Variants in DLGAP2 observed in about 807,000 individuals in gnomAD.
DLGAP2 encodes DLG associated protein 2, also known as disks large-associated protein 2.
DLGAP2 carries 26 observed loss-of-function variants against 100.3 expected under a neutral mutation model. The ratio of observed to expected loss-of-function variants is 0.26; its 90% confidence interval spans 0.19 to 0.36. The LOEUF (loss-of-function observed/expected upper bound fraction) is 0.36, where lower values mean the gene tolerates loss of function less well. DLGAP2 is among the 10% of genes least tolerant of loss of function. The probability of loss-of-function intolerance (pLI) is 1.00; values close to 1 mark genes in which losing one functional copy is unlikely to be tolerated. For missense variants in DLGAP2, 1,858 were observed against 1,453.2 expected, an observed-to-expected ratio of 1.28 and a Z score of -4.53; for synonymous variants, 886 against 630.1, an observed-to-expected ratio of 1.41 and a Z score of -6.08.
intron 2 of DLGAP2, among the ~76,000 whole-genome samples, chr8:912,639 C>G (rs1798508677): frequency 6.6e-6 from 1 of 151,396 alleles, no homozygotes; most frequent in African/African-American, 2.4e-5. Flanking sequence ...CTCTGTGGAG[C>G]TGAGCCCCAC....
chr8:950,250 C>G (rs1799445023), intron 2 of DLGAP2, among the ~76,000 whole-genome samples: 1 of 152,164 alleles, frequency 6.6e-6, no homozygotes, highest in Non-Finnish European at 1.5e-5. Flanking sequence ...TACCAAAAAT[C>G]ATGAGGAAAT....
intron 2 of DLGAP2, among the ~76,000 whole-genome samples, chr8:1,190,526 C>T (rs78952705): frequency 3.9e-5 from 6 of 152,082 alleles, no homozygotes; most frequent in Non-Finnish European, 8.8e-5. Flanking sequence ...CCGTCCCGTT[C>T]GACGCCTCTG....
chr8:1,687,507 A>G (rs1462130687), intron 12 of DLGAP2, among the ~76,000 whole-genome samples: 1 of 152,230 alleles, frequency 6.6e-6, no homozygotes, highest in Non-Finnish European at 1.5e-5. Context: ...TAGGCATCAG[A>G]TAGGATCATT....
rs867023990 is a variant in DLGAP2 at position 1,316,534 on chromosome 8, G to A, written c.106+57651G>A. ...GTCTACACTCGAGACACTCGGCAGC[G>A]TTTAAAAATAGAGGCTGTGCGAGTG... On this transcript the variant is annotated intron_variant, in intron 3 of 14. Transcript: ENST00000637795. Among the ~76,000 whole-genome samples the A allele has an allele frequency of 3.2e-4, 27 of 83,898 alleles. 2 individuals carry two copies. The East Asian group carries it at 5.9e-3, about 18-fold the overall frequency. 55.0% of individuals were successfully genotyped at this position (83,898 alleles called of 152,430 possible).
chr8:856,437 C>A (rs532770304), intron 1 of DLGAP2, among the ~76,000 whole-genome samples: 8 of 152,090 alleles, frequency 5.3e-5, no homozygotes, highest in Non-Finnish European at 1.2e-4. Context: ...ATCTGCCCAC[C>A]TCGGCCTCCC....
chr8:861,625 A>C (rs1318905904), intron 1 of DLGAP2, among the ~76,000 whole-genome samples: 3 of 152,246 alleles, frequency 2.0e-5, no homozygotes, highest in Non-Finnish European at 4.4e-5. Context: ...TTTAATGTGA[A>C]ATCAAATATG....
At chr8:1,377,881 G>A (rs1425001865) in intron 3 of DLGAP2, 2 of 152,294 alleles carry the variant, frequency 1.3e-5, no homozygotes, top group African/African-American at 4.8e-5. Flanking sequence ...TCTCTTCTGC[G>A]AAGCTGCACC....
chr8:1,618,629 C>T (rs1304373497), intron 6 of DLGAP2, among the ~76,000 whole-genome samples: 2 of 152,190 alleles, frequency 1.3e-5, no homozygotes, highest in African/African-American at 2.4e-5. Flanking sequence ...GGAGGACTCA[C>T]GCTATCTGAT....
intron 8 of DLGAP2, among the ~76,000 whole-genome samples, chr8:1,667,512 A>G (rs1470920862): frequency 6.6e-6 from 1 of 152,184 alleles, no homozygotes; most frequent in East Asian, 1.9e-4. Flanking sequence ...TGGAGCCTGT[A>G]CTTATAGGGA....
At chr8:862,561 G>C (rs1053665596) in intron 1 of DLGAP2, among the ~76,000 whole-genome samples, 8 of 152,112 alleles carry the variant, frequency 5.3e-5, no homozygotes, top group African/African-American at 1.9e-4. Flanking sequence ...CCAAAGTGCT[G>C]GGATTATAGG....
chr8:1,076,562 C>T (rs1803618975), intron 2 of DLGAP2, among the ~76,000 whole-genome samples: 1 of 152,250 alleles, frequency 6.6e-6, no homozygotes, highest in African/African-American at 2.4e-5. Context: ...GGCCACGGCT[C>T]AGCCCCTCTC....
intron 3 of DLGAP2, among the ~76,000 whole-genome samples, chr8:1,476,302 A>G (rs931376305): frequency 6.6e-6 from 1 of 152,178 alleles, no homozygotes; most frequent in Admixed American, 6.5e-5. Flanking sequence ...TTATTTACAC[A>G]TACATCTACG....
intron 3 of DLGAP2, among the ~76,000 whole-genome samples, chr8:1,487,342 G>T (rs570558248): frequency 1.3e-5 from 2 of 152,216 alleles, no homozygotes; most frequent in African/African-American, 4.8e-5. Context: ...ACTGAAAGTG[G>T]GTATTACAGA....
intron 3 of DLGAP2, among the ~76,000 whole-genome samples, chr8:1,285,463 C>T (rs187590333): frequency 1.1e-4 from 16 of 152,184 alleles, no homozygotes; most frequent in Middle Eastern, 3.4e-3. Context: ...ATGAGTAGAG[C>T]CTGTCCTGGA....
intron 1 of DLGAP2, among the ~76,000 whole-genome samples, chr8:780,996 T>G (rs1821669902): frequency 6.6e-6 from 1 of 152,238 alleles, no homozygotes; most frequent in African/African-American, 2.4e-5. Flanking sequence ...TTTCTCTCCA[T>G]GAGGTTGTAT....
chr8:936,731 T>G (rs1799081195), intron 2 of DLGAP2, among the ~76,000 whole-genome samples: 1 of 152,138 alleles, frequency 6.6e-6, no homozygotes, highest in South Asian at 2.1e-4. Context: ...GCACTTAGGG[T>G]ACAGCATGGA....
intron 5 of DLGAP2, among the ~76,000 whole-genome samples, chr8:1,553,634 A>G (rs1445359998): frequency 2.0e-5 from 3 of 152,160 alleles, no homozygotes; most frequent in Non-Finnish European, 4.4e-5. Context: ...CCCTGCGTGT[A>G]AAGTGTTTCA....
rs180923796 is a variant in DLGAP2, at chr8:1,234,914, A to G, written c.74-23937A>G. Among the ~76,000 whole-genome samples the G allele has an allele frequency of 5.6e-4, 86 of 152,310 alleles. 1 individual carries two copies. Among genetic ancestry groups the G allele is most frequent in the Non-Finnish European group, 9.7e-4 (66 of 68,032 alleles). ...CTCCCTCTCACGTGGCGCCATATCT[A>G]GTTCTCTCGCACACAAAGCATTGTG... On this transcript the variant is annotated intron_variant, in intron 2 of 14. Coordinates refer to ENST00000637795, the MANE Select transcript of DLGAP2 (RefSeq NM_001346810.2).
intron 6 of DLGAP2, among the ~76,000 whole-genome samples, chr8:1,573,025 G>A (rs1163886266): frequency 1.5e-4 from 10 of 64,908 alleles, no homozygotes; most frequent in Non-Finnish European, 1.8e-4. Flanking sequence ...AGAGAGGGTG[G>A]ACTGTGGGGG....
Sources: gnomAD v4.1 joint callset for allele counts (sites outside exome capture counted in the v4.1 genomes callset) on GRCh38, gnomAD v4.1.1 for gene constraint, MANE v1.5 for transcripts, NCBI Gene and HGNC (gene_info 2026-07-23, HGNC 2026-07-21) for gene names.